The following OXR1 variants were observed in gnomAD, a reference collection of about 807,000 sequenced individuals.
OXR1 encodes the protein oxidation resistance protein 1.
OXR1 carries 41 observed loss-of-function variants against 104.6 expected under a neutral mutation model. The observed-to-expected ratio is 0.39, with a 90% CI of 0.31 to 0.51. The LOEUF (loss-of-function observed/expected upper bound fraction) is 0.51, where lower values mean the gene tolerates loss of function less well. Ranked by LOEUF, OXR1 falls within the 20% of genes least tolerant of loss-of-function variation. The pLI is 0.77. For missense variants in OXR1, 955 were observed against 1,031.9 expected (o/e 0.93, Z 1.02); for synonymous variants, 348 against 348.4 (o/e 1.00, Z 0.01).
chr8:106,649,459 T>C (rs1027395106), intron 3 of OXR1, among the ~76,000 whole-genome samples: 2 of 151,762 alleles, frequency 1.3e-5, no homozygotes, highest in Non-Finnish European at 2.9e-5. Context: ...CAGTTATATA[T>C]TGTCCTTTTA....
At chr8:106,456,776 T>A (rs1409996175) in intron 2 of OXR1, among the ~76,000 whole-genome samples, 2 of 152,148 alleles carry the variant, frequency 1.3e-5, no homozygotes, top group Non-Finnish European at 2.9e-5. Flanking sequence ...AAATGAAACA[T>A]TAAGTCCCAT....
At chr8:106,632,540 T>C (rs1429456931) in intron 3 of OXR1, among the ~76,000 whole-genome samples, 1 of 152,214 alleles carries the variant, frequency 6.6e-6, no homozygotes, top group Non-Finnish European at 1.5e-5. Flanking sequence ...TCTTGTTGGC[T>C]AATGCTTCTT....
At chr8:106,484,234 G>A (rs996902849) in intron 2 of OXR1, among the ~76,000 whole-genome samples, 1 of 151,522 alleles carries the variant, frequency 6.6e-6, no homozygotes, top group Non-Finnish European at 1.5e-5. Flanking sequence ...CAAGTATAAG[G>A]AAAAAATAGG....
chr8:106,471,890 C>A (rs1432745619), intron 2 of OXR1, among the ~76,000 whole-genome samples: 1 of 151,808 alleles, frequency 6.6e-6, no homozygotes, highest in Non-Finnish European at 1.5e-5. Flanking sequence ...ATGTCCTTTA[C>A]CCTGCTTCAC....
At chr8:106,493,060 T>C (rs1321125545) in intron 2 of OXR1, among the ~76,000 whole-genome samples, 1 of 152,182 alleles carries the variant, frequency 6.6e-6, no homozygotes, top group Non-Finnish European at 1.5e-5. Context: ...TTTAAAAAAA[T>C]TGAACTAGTA....
At chr8:106,339,508 AAAAAAAAAAAAATATAT>A (rs1312398811) in intron 1 of OXR1, among the ~76,000 whole-genome samples, 3 of 48,132 alleles carry the variant, frequency 6.2e-5, no homozygotes, top group Non-Finnish European at 9.8e-5. Flanking sequence ...AAAAAAAAAA[AAAAAAAAAAAAATATAT>A]ATATATATAT....
At chr8:106,668,120 A>ATTT (rs1826540539) in intron 3 of OXR1, among the ~76,000 whole-genome samples, 1 of 151,904 alleles carries the variant, frequency 6.6e-6, no homozygotes, top group Admixed American at 6.6e-5. Context: ...TCATTTTACT[A>ATTT]TTTTTACATT....
intron 2 of OXR1, among the ~76,000 whole-genome samples, chr8:106,518,446 T>C (rs1269447837): frequency 6.6e-6 from 1 of 152,218 alleles, no homozygotes; most frequent in East Asian, 1.9e-4. Flanking sequence ...ACACATTTAT[T>C]GTTACTGAGA....
chr8:106,586,577 G>A (rs1476918282), intron 3 of OXR1, among the ~76,000 whole-genome samples: 1 of 152,158 alleles, frequency 6.6e-6, no homozygotes, highest in Admixed American at 6.5e-5. Flanking sequence ...TAGAAATATT[G>A]ATTTAGGAGT....
intron 3 of OXR1, among the ~76,000 whole-genome samples, chr8:106,647,821 G>C (rs1315181684): frequency 6.6e-6 from 1 of 152,152 alleles, no homozygotes; most frequent in East Asian, 1.9e-4. Flanking sequence ...TGAAATAGTT[G>C]ACAGGTAGAT....
At chr8:106,476,188 G>A (rs1197060524) in intron 2 of OXR1, among the ~76,000 whole-genome samples, 1 of 151,780 alleles carries the variant, frequency 6.6e-6, no homozygotes, top group Non-Finnish European at 1.5e-5. Context: ...TGATCTAGAG[G>A]CTGAATTAGA....
At chr8:106,616,865 C>T (rs893645508) in intron 3 of OXR1, among the ~76,000 whole-genome samples, 5 of 152,158 alleles carry the variant, frequency 3.3e-5, no homozygotes, top group African/African-American at 1.2e-4. Flanking sequence ...TTCTTAGACT[C>T]ATGAAGATCT....
intron 1 of OXR1, among the ~76,000 whole-genome samples, chr8:106,354,662 T>C (rs1815885799): frequency 6.6e-6 from 1 of 151,944 alleles, no homozygotes; most frequent in Non-Finnish European, 1.5e-5. Context: ...TTTTATAGAT[T>C]TACTGTTTTA....
At chr8:106,292,423 A>G (rs1478188578) in intron 1 of OXR1, among the ~76,000 whole-genome samples, 1 of 152,160 alleles carries the variant, frequency 6.6e-6, no homozygotes, top group African/African-American at 2.4e-5. Context: ...GCACCTCAAA[A>G]CTGCAAAAGT....
chr8:106,578,835 T>A (rs1384120634), intron 3 of OXR1, among the ~76,000 whole-genome samples: 1 of 152,202 alleles, frequency 6.6e-6, no homozygotes, highest in South Asian at 2.1e-4. Context: ...CTCAGTGGTA[T>A]TTACATGGTG....
At chr8:106,504,522 G>T (rs898657623) in intron 2 of OXR1, among the ~76,000 whole-genome samples, 2 of 152,156 alleles carry the variant, frequency 1.3e-5, no homozygotes, top group Non-Finnish European at 2.9e-5. Flanking sequence ...GTGGCTGATA[G>T]CAAATGGATT....
chr8:106,562,162 T>C (rs1316052496), intron 3 of OXR1, among the ~76,000 whole-genome samples: 3 of 151,730 alleles, frequency 2.0e-5, no homozygotes, highest in Non-Finnish European at 4.4e-5. Flanking sequence ...AGATGAGTAA[T>C]AACAAAAATC....
At chr8:106,737,410 T>C in intron 11 of OXR1, 110 bp from the exon 12 acceptor site, 2 of 424,640 alleles carry the variant, frequency 4.7e-6, no homozygotes, top group Admixed American at 4.1e-5. Flanking sequence ...AAATCCTAAT[T>C]ACAGTTCTCT....
At chr8:106,735,019 T>C (rs1834241127) in intron 11 of OXR1, among the ~76,000 whole-genome samples, 1 of 152,190 alleles carries the variant, frequency 6.6e-6, no homozygotes, top group Admixed American at 6.6e-5. Flanking sequence ...TTTATTTAGG[T>C]TTAATCTTTT....
Sources: gnomAD v4.1 joint callset for allele counts (sites outside exome capture counted in the v4.1 genomes callset) on GRCh38, gnomAD v4.1.1 for gene constraint, MANE v1.5 for transcripts, NCBI Gene and HGNC (gene_info 2026-07-23, HGNC 2026-07-21) for gene names.